ZNF846: variants seen among roughly 807,000 people sequenced by gnomAD.
The protein encoded by ZNF846 is zinc finger protein 846.
A neutral mutation model predicts 16.0 loss-of-function variants in ZNF846; 15 were observed. The observed-to-expected ratio is 0.94, with a 90% confidence interval of 0.63 to 1.45. ZNF846 has a LOEUF of 1.45. ZNF846 is among the 40% of genes most tolerant of loss of function. The probability of loss-of-function intolerance (pLI) is 0.00; values close to 1 mark genes in which losing one functional copy is unlikely to be tolerated. For synonymous variants in ZNF846, 229 were observed against 212.0 expected (o/e 1.08, Z -0.70); for missense variants, 714 against 622.3 (o/e 1.15, Z -1.57).
chr19:9,783,542 AAAATAT>A lies in ZNF846; in HGVS notation c.-86+2390_-86+2395del, dbSNP rs1228498422. ...TCTCATCACTAAAAAAAAAAAAAAA[AAAATAT>A]ATATATATATATATATATTCTTTAA... On this transcript the variant is annotated intron_variant, in intron 1 of 4. Coordinates refer to the ZNF846 transcript ENST00000586814. Among the ~76,000 whole-genome samples, 80 of 118,422 alleles carry A rather than the reference AAAATAT, an allele frequency of 6.8e-4. 1 individual carries two copies. Among genetic ancestry groups the A allele is most frequent in the African/African-American group, 3.0e-3 (74 of 24,718 alleles). The allele number at this position is 118,422 out of a possible 152,430, so 77.7% of individuals were successfully genotyped here. A position where few individuals can be genotyped will look rare whatever the true frequency, so the allele number is the denominator to read the frequency against.
intron 1 of ZNF846, among the ~76,000 whole-genome samples, chr19:9,773,695 T>C (rs918742021): frequency 6.6e-6 from 1 of 151,992 alleles, no homozygotes; most frequent in African/African-American, 2.4e-5. Context: ...GGCAGGAGAA[T>C]CACTTGAACC....
At chr19:9,757,423 T>G, downstream of ZNF846, 1 of 1,435,422 alleles carries the variant, frequency 7.0e-7, no homozygotes, top group Middle Eastern at 2.1e-4. Flanking sequence ...TACCTTCCTA[T>G]GATTTTTTTC....
At chr19:9,763,245 C>T (rs2045259839) in intron 3 of ZNF846, 37 bp downstream of exon 3, 2 of 1,510,524 alleles carry the variant, frequency 1.3e-6, no homozygotes, top group South Asian at 2.7e-5. Flanking sequence ...ACATTGATTT[C>T]CTAAAGGGGT....
downstream of ZNF846, chr19:9,756,533 G>T (rs1246406412): frequency 6.6e-5 from 10 of 150,862 alleles, no homozygotes; most frequent in Non-Finnish European, 1.5e-4. Flanking sequence ...TAGTAACACT[G>T]GAAGAATTCT....
chr19:9,755,355 T>A (rs973063209), downstream of ZNF846, among the ~76,000 whole-genome samples: 13 of 151,426 alleles, frequency 8.6e-5, no homozygotes, highest in African/African-American at 3.2e-4. Context: ...AGAAAGGCAA[T>A]CTCATTTTCA....
chr19:9,767,386 C>T (rs1311369462), intron 1 of ZNF846, among the ~76,000 whole-genome samples: 1 of 151,906 alleles, frequency 6.6e-6, no homozygotes, highest in Admixed American at 6.6e-5. Context: ...CCGCCCACCT[C>T]GGCCTCCCAA....
downstream of ZNF846, among the ~76,000 whole-genome samples, chr19:9,750,005 T>A (rs2045071218): frequency 6.6e-6 from 1 of 152,130 alleles, no homozygotes; most frequent in African/African-American, 2.4e-5. Context: ...TGCTCCTTTA[T>A]GCTTCTCCCA....
downstream of ZNF846, among the ~76,000 whole-genome samples, chr19:9,750,927 GA>G (rs2045078683): frequency 6.6e-6 from 1 of 152,172 alleles, no homozygotes; most frequent in African/African-American, 2.4e-5. Flanking sequence ...ATTTCTTAAT[GA>G]AGAGTGTTTG....
downstream of ZNF846, among the ~76,000 whole-genome samples, chr19:9,749,673 C>T (rs1365367033): frequency 6.6e-6 from 1 of 151,820 alleles, no homozygotes; most frequent in African/African-American, 2.4e-5. Context: ...TCCTCACTGC[C>T]TCCAATCCTT....
chr19:9,752,428 T>C (rs1203778589), exon 6 of ZNF846: 1 of 416,832 alleles, frequency 2.4e-6, no homozygotes, highest in Admixed American at 2.5e-5. Flanking sequence ...GACAACATGA[T>C]GAAACTTCGT....
At chr19:9,752,010 A>T (rs1191641874), downstream of ZNF846, 1 of 152,308 alleles carries the variant, frequency 6.6e-6, no homozygotes, top group East Asian at 1.9e-4. Context: ...GCAGTGGCTC[A>T]TGCCTGTAAT....
chr19:9,756,341 GTGTGTATATA>G (rs1458523948), downstream of ZNF846: 3,043 of 64,476 alleles, frequency 0.047, 44 homozygotes, highest in Non-Finnish European at 0.058. Flanking sequence ...GTGTGTGTGT[GTGTGTATATA>G]TATATATATA....
intron 1 of ZNF846, among the ~76,000 whole-genome samples, chr19:9,785,381 A>G (rs1001759003): frequency 6.6e-6 from 1 of 151,822 alleles, no homozygotes; most frequent in Non-Finnish European, 1.5e-5. Flanking sequence ...TATTTTTAGT[A>G]GAGATGGGGT....
chr19:9,758,821 T>C, intron 5 of ZNF846, 57 bp from the exon 6 acceptor site: 1 of 1,343,034 alleles, frequency 7.4e-7, no homozygotes, highest in Non-Finnish European at 1.0e-6. Context: ...GGTAACAGAA[T>C]TTCTCCCCAA....
intron 5 of ZNF846, 83 bp from the exon 6 acceptor site, chr19:9,758,847 A>G: frequency 3.8e-6 from 4 of 1,064,946 alleles, no homozygotes; most frequent in Non-Finnish European, 5.3e-6. Flanking sequence ...ACATATATGC[A>G]TTGGAAATAT....
At chr19:9,766,521 T>G (rs2045318434) in intron 1 of ZNF846, among the ~76,000 whole-genome samples, 3 of 152,070 alleles carry the variant, frequency 2.0e-5, no homozygotes, top group Admixed American at 2.0e-4. Flanking sequence ...GATAAATAAC[T>G]TTTACATTTA....
At chr19:9,761,811 T>A (rs2045235134) in intron 4 of ZNF846, among the ~76,000 whole-genome samples, 1 of 151,560 alleles carries the variant, frequency 6.6e-6, no homozygotes, top group Non-Finnish European at 1.5e-5. Flanking sequence ...GAAAGCAATA[T>A]AAGAAGGTGT....
At chr19:9,782,745 G>A (rs2045514379) in intron 1 of ZNF846, among the ~76,000 whole-genome samples, 1 of 152,146 alleles carries the variant, frequency 6.6e-6, no homozygotes, top group Admixed American at 6.6e-5. Context: ...TAAATACACA[G>A]CTAGATGGAA....
chr19:9,769,276 C>G (rs1292912059), upstream of ZNF846, among the ~76,000 whole-genome samples: 1 of 151,930 alleles, frequency 6.6e-6, no homozygotes, highest in Non-Finnish European at 1.5e-5. Flanking sequence ...ACACTTGGGT[C>G]TCACTGTGTT....
Sources: gnomAD v4.1 joint callset for allele counts (sites outside exome capture counted in the v4.1 genomes callset) on GRCh38, gnomAD v4.1.1 for gene constraint, MANE v1.5 for transcripts, NCBI Gene and HGNC (gene_info 2026-07-23, HGNC 2026-07-21) for gene names.